Variants in CYP4Z1 observed in about 807,000 individuals in gnomAD.
The protein encoded by CYP4Z1 is cytochrome P450 4Z1.
In CYP4Z1, 41 loss-of-function variants were observed where a neutral mutation model predicts 54.2. The observed-to-expected ratio is 0.76, with a 90% confidence interval of 0.59 to 0.98. The LOEUF (loss-of-function observed/expected upper bound fraction) is 0.98, where lower values mean the gene tolerates loss of function less well. CYP4Z1 is among the 50% of genes least tolerant of loss of function. The pLI is 0.00. For missense variants in CYP4Z1, 513 were observed against 599.0 expected, an observed-to-expected ratio of 0.86 and a Z score of 1.50; for synonymous variants, 163 against 206.2, an observed-to-expected ratio of 0.79 and a Z score of 1.79.
chr1:47,099,263 G>A lies in CYP4Z1; in HGVS notation c.1046G>A (p.Gly349Glu). 1.2e-6 allele frequency: 2 copies of A among 1,610,852 alleles called. No homozygotes were observed. Among genetic ancestry groups the A allele is most frequent in the Non-Finnish European group, 1.7e-6 (2 of 1,179,044 alleles). Residue 349 changes from glycine (G) to glutamate (E), a missense_variant, in exon 8 of 12, where the codon GGG (glycine) becomes GAG (glutamate). By Grantham distance (98) the Gly-to-Glu change is moderately conservative. Transcript: ENST00000334194. ...RCRDEIRELL[G>E]DGSSITWEHL... is the part of the protein sequence containing the mutation. ...CGAGATGAAATCAGGGAACTCCTAG[G>A]GGATGGGTCTTCTATTACCTGGTAA...
intron 9 of CYP4Z1, among the ~76,000 whole-genome samples, chr1:47,113,255 C>G (rs565784061): frequency 6.6e-6 from 1 of 152,310 alleles, no homozygotes; most frequent in African/African-American, 2.4e-5. Context: ...AAATTCCTTT[C>G]TGAACATTCT....
rs1219462326 is a variant in CYP4Z1 at position 47,106,142 on chromosome 1, A to G, written c.1082A>G (p.Gln361Arg). Residue 361 changes from glutamine (Q) to arginine (R), a missense_variant, in exon 9 of 12, where the codon CAG becomes CGG. Gln to Arg is a conservative substitution (Grantham distance 43). Coordinates refer to ENST00000334194, the MANE Select transcript of CYP4Z1 (RefSeq NM_178134.3). ...CTTCTACCCAGGGAACACCTGAGCC[A>G]GATGCCTTACACCACGATGTGCATC... ...GSSITWEHLS[Q>R]MPYTTMCIKE... The G allele has an allele frequency of 1.9e-6, 3 of 1,613,750 alleles. No individual in the cohort carries two copies. Among genetic ancestry groups the G allele is most frequent in the African/African-American group, 1.3e-5 (1 of 74,904 alleles).
At chr1:47,071,105 TA>T (rs1276479365) in intron 2 of CYP4Z1, among the ~76,000 whole-genome samples, 4 of 151,794 alleles carry the variant, frequency 2.6e-5, no homozygotes, top group African/African-American at 4.8e-5. Context: ...CATCTCTATT[TA>T]AAAAAAAATA....
chr1:47,074,071 G>A (rs1435200148), intron 2 of CYP4Z1, among the ~76,000 whole-genome samples: 16 of 152,160 alleles, frequency 1.1e-4, no homozygotes, highest in Non-Finnish European at 2.1e-4. Flanking sequence ...GAGTTTTATA[G>A]TTTTGACTCT....
the CYP4Z1 span, among the ~76,000 whole-genome samples, chr1:47,057,335 A>AAAAAAAAAAAAATATAT: frequency 7.7e-4 from 22 of 28,450 alleles, no homozygotes; most frequent in South Asian, 1.1e-3. Context: ...AAGAAAAAAA[A>AAAAAAAAAAAAATATAT]ATATATATAT....
chr1:47,064,498 G>A (rs1459131009), upstream of CYP4Z1, among the ~76,000 whole-genome samples: 1 of 152,072 alleles, frequency 6.6e-6, no homozygotes, highest in Admixed American at 6.6e-5. Context: ...AACAAATGCT[G>A]AGAGAATTCA....
chr1:47,067,633 C>A lies in CYP4Z1; in HGVS notation c.143C>A (p.Ala48Glu), dbSNP rs1329277173. 1.9e-6 allele frequency: 3 copies of A among 1,611,214 alleles called. No individual in the cohort carries two copies. The South Asian group carries it at 3.3e-5, about 18-fold the overall frequency. The change falls in exon 1 of 12, where the codon GCA becomes GAA. Residue 48 changes from alanine to glutamate, a missense_variant. Physicochemically the swap from Ala to Glu is moderately radical, Grantham distance 107 (BLOSUM62 -1). Coordinates refer to ENST00000334194, the MANE Select transcript of CYP4Z1 (RefSeq NM_178134.3). The stretch of plus-strand genomic sequence containing the variant: ...ATCAGAGCCCTGCACCTGTTTCCTG[C>A]ACCCCCTGCCCACTGGTTCTATGGC... ...WMIRALHLFP[A>E]PPAHWFYGHK...
At chr1:47,077,762 A>G (rs1644536307) in intron 2 of CYP4Z1, among the ~76,000 whole-genome samples, 1 of 151,682 alleles carries the variant, frequency 6.6e-6, no homozygotes, top group Admixed American at 6.6e-5. Context: ...TTGGAACTAC[A>G]GGCCTGCACC....
the CYP4Z1 span, among the ~76,000 whole-genome samples, chr1:47,057,431 T>C: frequency 7.1e-6 from 1 of 141,770 alleles, no homozygotes; most frequent in African/African-American, 2.6e-5. Flanking sequence ...CAACTACATG[T>C]ATGTCAGATT....
At chr1:47,066,974 C>A (rs1644454717), upstream of CYP4Z1, among the ~76,000 whole-genome samples, 1 of 151,942 alleles carries the variant, frequency 6.6e-6, no homozygotes, top group Admixed American at 6.6e-5. Flanking sequence ...AAGTGTTATA[C>A]TCTGGTGGAG....
the CYP4Z1 span, among the ~76,000 whole-genome samples, chr1:47,057,335 A>AAAAAAAAAAAAAAAAAATATAT: frequency 7.0e-5 from 2 of 28,486 alleles, no homozygotes; most frequent in Admixed American, 5.3e-4. Flanking sequence ...AAGAAAAAAA[A>AAAAAAAAAAAAAAAAAATATAT]ATATATATAT....
At chr1:47,104,465 G>A (rs1557632441) in intron 8 of CYP4Z1, among the ~76,000 whole-genome samples, 1 of 152,190 alleles carries the variant, frequency 6.6e-6, no homozygotes, top group Admixed American at 6.5e-5. Flanking sequence ...TGGCAGTGGT[G>A]GGTCAGGTAG....
chr1:47,096,991 G>A (rs937228416), intron 7 of CYP4Z1: 2 of 151,822 alleles, frequency 1.3e-5, no homozygotes, highest in Non-Finnish European at 2.9e-5. Context: ...GGCCCCAGGT[G>A]TATTGTTCCC....
Position 47,118,047 on chromosome 1 carries a change from C to T in CYP4Z1, c.*113C>T. 1 of 1,088,518 alleles carries T rather than the reference C, an allele frequency of 9.2e-7. No homozygotes were observed. The highest frequency in any genetic ancestry group is 1.3e-6 in the Non-Finnish European group (1 of 789,394). The allele number at this position is 1,088,518 out of a possible 1,614,324, so 67.4% of individuals were successfully genotyped here. ...TATGGTTGTTTGACAAATTATATAACTTAGGATACTTCTGACTGGTTTTGA... is the reference window on the plus strand; with the variant it reads ...TATGGTTGTTTGACAAATTATATAATTTAGGATACTTCTGACTGGTTTTGA... On this transcript the variant is annotated 3_prime_UTR_variant, in exon 12 of 12. Coordinates refer to ENST00000334194, the MANE Select transcript of CYP4Z1 (RefSeq NM_178134.3).
chr1:47,056,688 C>G, the CYP4Z1 span, among the ~76,000 whole-genome samples: 5 of 152,064 alleles, frequency 3.3e-5, no homozygotes, highest in East Asian at 1.9e-4. Flanking sequence ...CCTTCTTTGT[C>G]TCTTTTGATT....
chr1:47,093,507 TAATGGAGGC>T (rs1480780854), intron 6 of CYP4Z1, among the ~76,000 whole-genome samples: 2 of 152,246 alleles, frequency 1.3e-5, no homozygotes, highest in Admixed American at 1.3e-4. Flanking sequence ...AAGCCTCCTT[TAATGGAGGC>T]AATGTGCCAA....
chr1:47,077,225 T>A lies in CYP4Z1; in HGVS notation c.320-3398T>A, dbSNP rs1604619. Among the ~76,000 whole-genome samples the A allele has an allele frequency of 5.5e-4, 83 of 152,252 alleles. 1 individual carries two copies. Among genetic ancestry groups the A allele is most frequent in the Non-Finnish European group, 8.4e-4 (57 of 67,992 alleles). ...TAGAACTGTCTATTTCTCCCTTCAATGCTGTCAGCTTTTGCCTCATATACT... is the reference window on the plus strand; with the variant it reads ...TAGAACTGTCTATTTCTCCCTTCAAAGCTGTCAGCTTTTGCCTCATATACT... On this transcript the variant is annotated intron_variant, in intron 2 of 11. Coordinates refer to ENST00000334194, the MANE Select transcript of CYP4Z1 (RefSeq NM_178134.3).
At chr1:47,101,215 T>A (rs745542886) in intron 8 of CYP4Z1, among the ~76,000 whole-genome samples, 56 of 152,180 alleles carry the variant, frequency 3.7e-4, no homozygotes, top group Non-Finnish European at 5.0e-4. Context: ...ATTTTATTGA[T>A]CCTTGCATTG....
intron 2 of CYP4Z1, among the ~76,000 whole-genome samples, chr1:47,074,049 T>C (rs1437502003): frequency 1.3e-5 from 2 of 152,110 alleles, no homozygotes; most frequent in Non-Finnish European, 2.9e-5. Flanking sequence ...CCTCCCCTAT[T>C]TTTTCTTCTA....
Sources: gnomAD v4.1 joint callset for allele counts (sites outside exome capture counted in the v4.1 genomes callset) on GRCh38, gnomAD v4.1.1 for gene constraint, MANE v1.5 for transcripts, NCBI Gene and HGNC (gene_info 2026-07-23, HGNC 2026-07-21) for gene names.